GRIA4: variants seen among roughly 807,000 people sequenced by gnomAD.
The protein encoded by GRIA4 is glutamate ionotropic receptor AMPA type subunit 4.
A neutral mutation model predicts 104.0 loss-of-function variants in GRIA4; 34 were observed. That is an observed-to-expected ratio of 0.33 (90% CI 0.25 to 0.44). The LOEUF (loss-of-function observed/expected upper bound fraction) is 0.44, where lower values mean the gene tolerates loss of function less well. Ranked by LOEUF, GRIA4 falls within the 20% of genes least tolerant of loss-of-function variation. GRIA4 has a pLI of 1.00. For missense variants in GRIA4, 750 were observed against 1,096.5 expected (o/e 0.68, Z 4.46); for synonymous variants, 386 against 381.9 (o/e 1.01, Z -0.13).
At chr11:105,703,339 G>A (rs992534394) in intron 3 of GRIA4, among the ~76,000 whole-genome samples, 6 of 152,088 alleles carry the variant, frequency 3.9e-5, no homozygotes, top group Non-Finnish European at 7.4e-5. Flanking sequence ...CAGCAGGGGT[G>A]GGTACTTGCA....
At chr11:105,830,381 C>A (rs185523583) in intron 4 of GRIA4, among the ~76,000 whole-genome samples, 1 of 152,012 alleles carries the variant, frequency 6.6e-6, no homozygotes, top group Non-Finnish European at 1.5e-5. Context: ...AAAATGCCAA[C>A]TAAAATTTAT....
intron 3 of GRIA4, among the ~76,000 whole-genome samples, chr11:105,736,212 C>A (rs1938934607): frequency 6.6e-6 from 1 of 152,064 alleles, no homozygotes; most frequent in African/African-American, 2.4e-5. Flanking sequence ...GGTAAGTACT[C>A]TCAGATTCAT....
At chr11:105,807,092 G>C (rs1321980476) in intron 4 of GRIA4, among the ~76,000 whole-genome samples, 1 of 151,594 alleles carries the variant, frequency 6.6e-6, no homozygotes, top group Non-Finnish European at 1.5e-5. Context: ...AAATTGAACA[G>C]AGCCATGGAT....
chr11:105,752,338 C>T (rs1940050023), intron 3 of GRIA4, among the ~76,000 whole-genome samples: 1 of 152,126 alleles, frequency 6.6e-6, no homozygotes, highest in Admixed American at 6.6e-5. Context: ...GGCCCCAATT[C>T]ATTAAGCCTC....
At chr11:105,678,699 A>T (rs999418883) in intron 3 of GRIA4, among the ~76,000 whole-genome samples, 1 of 152,122 alleles carries the variant, frequency 6.6e-6, no homozygotes, top group African/African-American at 2.4e-5. Context: ...ATTGCCATTC[A>T]GTTGATGTTA....
chr11:105,645,777 A>G (rs1951509500), intron 3 of GRIA4, among the ~76,000 whole-genome samples: 1 of 152,230 alleles, frequency 6.6e-6, no homozygotes, highest in African/African-American at 2.4e-5. Context: ...TATTATAGCC[A>G]TGAAAGATAG....
chr11:105,926,446 G>C (rs1174486612), intron 12 of GRIA4, among the ~76,000 whole-genome samples: 1 of 152,056 alleles, frequency 6.6e-6, no homozygotes, highest in African/African-American at 2.4e-5. Context: ...ATTCAACTAA[G>C]TATTCCCCTT....
intron 14 of GRIA4, among the ~76,000 whole-genome samples, chr11:105,970,246 C>G (rs1454588220): frequency 1.3e-5 from 2 of 151,676 alleles, no homozygotes; most frequent in African/African-American, 4.8e-5. Context: ...AACATTGAAA[C>G]AAAATTTAAA....
intron 5 of GRIA4, among the ~76,000 whole-genome samples, chr11:105,870,543 G>C (rs974506410): frequency 8.7e-6 from 1 of 114,410 alleles, no homozygotes; most frequent in African/African-American, 3.2e-5. Flanking sequence ...AATGTGGAAA[G>C]GTACAAAAAA....
At chr11:105,777,937 C>T (rs1941525342) in intron 4 of GRIA4, among the ~76,000 whole-genome samples, 1 of 152,132 alleles carries the variant, frequency 6.6e-6, no homozygotes, top group Non-Finnish European at 1.5e-5. Flanking sequence ...GAAGAACCAT[C>T]CGGGCCAGAC....
intron 5 of GRIA4, among the ~76,000 whole-genome samples, chr11:105,874,195 T>C (rs1364223001): frequency 1.3e-5 from 2 of 152,182 alleles, no homozygotes; most frequent in Non-Finnish European, 2.9e-5. Context: ...ATTGCTTGTT[T>C]TTGTAAGGTT....
At chr11:105,753,274 T>C in intron 4 of GRIA4, 54 bp downstream of exon 4, 1 of 1,540,326 alleles carries the variant, frequency 6.5e-7, no homozygotes, top group Non-Finnish European at 8.9e-7. Flanking sequence ...CAATGTGAAA[T>C]GGCCTTATAT....
intron 4 of GRIA4, among the ~76,000 whole-genome samples, chr11:105,759,922 T>A (rs187846692): frequency 1.0e-3 from 155 of 152,212 alleles, no homozygotes; most frequent in African/African-American, 3.7e-3. Context: ...TAGTAGAGAC[T>A]CTGTCTTGCT....
intron 3 of GRIA4, among the ~76,000 whole-genome samples, chr11:105,636,531 G>T (rs1271386821): frequency 6.6e-6 from 1 of 152,066 alleles, no homozygotes; most frequent in East Asian, 1.9e-4. Flanking sequence ...TCACCCAAGT[G>T]ATCTCTACAA....
At chr11:105,698,637 A>T (rs1346513072) in intron 3 of GRIA4, among the ~76,000 whole-genome samples, 1 of 152,192 alleles carries the variant, frequency 6.6e-6, no homozygotes, top group Non-Finnish European at 1.5e-5. Flanking sequence ...TATATAATCC[A>T]TCAGAACACC....
intron 3 of GRIA4, among the ~76,000 whole-genome samples, chr11:105,638,079 C>T (rs1014941892): frequency 1.3e-5 from 2 of 152,090 alleles, no homozygotes; most frequent in Non-Finnish European, 2.9e-5. Flanking sequence ...CACAGTGTTA[C>T]CTGATAGATG....
At chr11:105,912,031 G>A in intron 10 of GRIA4, 1 of 1,188,570 alleles carries the variant, frequency 8.4e-7, no homozygotes, top group Non-Finnish European at 1.1e-6. Flanking sequence ...ACCAACTCTG[G>A]ACTACCAGAA....
intron 3 of GRIA4, among the ~76,000 whole-genome samples, chr11:105,628,130 G>C (rs762583511): frequency 9.2e-5 from 14 of 151,850 alleles, no homozygotes; most frequent in Non-Finnish European, 2.1e-4. Context: ...GCCTGCCAAA[G>C]GGAAAAATAC....
rs1947953304 is a variant in GRIA4 at position 105,933,793 on chromosome 11, G to GTCC, written c.2118_2119insTCC (p.Arg706_Thr707insSer). 1 of 1,612,522 alleles carries GTCC rather than the reference G, an allele frequency of 6.2e-7. No homozygotes were observed. Among genetic ancestry groups the GTCC allele is most frequent in the East Asian group, 2.2e-5 (1 of 44,796 alleles). On this transcript the variant is annotated inframe_insertion, in exon 14 of 17. Coordinates refer to ENST00000282499, the MANE Select transcript of GRIA4 (RefSeq NM_000829.4). ...CAGCAGAGCCATCAGTATTCACTAG[G>GTCC]ACTACAGCTGAGGGAGTAGCTCGTG...
Sources: allele counts gnomAD v4.1 joint callset (sites outside exome capture counted in the v4.1 genomes callset), GRCh38; gene constraint gnomAD v4.1.1; transcripts MANE v1.5; gene names NCBI Gene and HGNC (gene_info 2026-07-23, HGNC 2026-07-21).